SGCZ: variants seen among roughly 807,000 people sequenced by gnomAD.
SGCZ encodes the protein zeta-sarcoglycan.
In SGCZ, 40 loss-of-function variants were observed where a neutral mutation model predicts 41.3. That is an observed-to-expected ratio of 0.97 (90% CI 0.75 to 1.26). The LOEUF (loss-of-function observed/expected upper bound fraction) is 1.26, where lower values mean the gene tolerates loss of function less well. Among genes scored for constraint, SGCZ ranks in the 50% most tolerant of loss-of-function variants. The pLI, the probability that SGCZ is intolerant of heterozygous loss-of-function variation, is 0.00. For synonymous variants in SGCZ, 206 were observed against 137.5 expected, an observed-to-expected ratio of 1.50 and a Z score of -3.49; for missense variants, 552 against 369.8, an observed-to-expected ratio of 1.49 and a Z score of -4.04.
chr8:14,411,912 T>G (rs1309845726), intron 2 of SGCZ, among the ~76,000 whole-genome samples: 2 of 152,084 alleles, frequency 1.3e-5, no homozygotes, highest in African/African-American at 4.8e-5. Context: ...TTACATGACC[T>G]CTGAAGAAAT....
chr8:14,824,325 A>G (rs1006955180), intron 1 of SGCZ, among the ~76,000 whole-genome samples: 1 of 152,148 alleles, frequency 6.6e-6, no homozygotes, highest in Non-Finnish European at 1.5e-5. Flanking sequence ...TCATTATACA[A>G]CATAGATTTG....
intron 3 of SGCZ, among the ~76,000 whole-genome samples, chr8:14,309,912 T>C (rs1183422414): frequency 1.3e-5 from 2 of 151,962 alleles, no homozygotes; most frequent in Non-Finnish European, 2.9e-5. Context: ...ACAGTACACA[T>C]CCCCAGAATC....
At chr8:14,223,408 T>C (rs2117127836) in intron 4 of SGCZ, among the ~76,000 whole-genome samples, 1 of 152,194 alleles carries the variant, frequency 6.6e-6, no homozygotes, top group Admixed American at 6.5e-5. Context: ...AATAAAGACA[T>C]ATACTATAGA....
chr8:14,435,747 C>G (rs1333757884), intron 2 of SGCZ, among the ~76,000 whole-genome samples: 2 of 152,214 alleles, frequency 1.3e-5, no homozygotes, highest in Non-Finnish European at 2.9e-5. Context: ...TAATGAAATA[C>G]ACATATGACT....
intron 2 of SGCZ, among the ~76,000 whole-genome samples, chr8:14,547,423 AC>A (rs1803665116): frequency 1.3e-5 from 2 of 152,130 alleles, no homozygotes; most frequent in Admixed American, 6.6e-5. Flanking sequence ...GTTTATGTAA[AC>A]GCTTTTTATA....
chr8:14,892,235 C>G (rs1382012310), intron 1 of SGCZ, among the ~76,000 whole-genome samples: 1 of 152,134 alleles, frequency 6.6e-6, no homozygotes, highest in Non-Finnish European at 1.5e-5. Context: ...CGCCCTAGGC[C>G]TTCAGGTAAT....
chr8:14,494,523 A>G (rs1801934338), intron 2 of SGCZ, among the ~76,000 whole-genome samples: 1 of 152,168 alleles, frequency 6.6e-6, no homozygotes, highest in African/African-American at 2.4e-5. Flanking sequence ...ACATGCACAC[A>G]CACAAACACG....
intron 1 of SGCZ, among the ~76,000 whole-genome samples, chr8:14,891,907 T>C (rs1181764940): frequency 1.3e-5 from 2 of 152,196 alleles, no homozygotes; most frequent in Non-Finnish European, 2.9e-5. Flanking sequence ...TCATTAGCAA[T>C]AAAGTAATTT....
intron 2 of SGCZ, among the ~76,000 whole-genome samples, chr8:14,510,925 C>T (rs1399598298): frequency 1.3e-5 from 2 of 152,070 alleles, no homozygotes; most frequent in Non-Finnish European, 2.9e-5. Context: ...GGCCTTCTCC[C>T]AGTTTCTGAG....
intron 1 of SGCZ, among the ~76,000 whole-genome samples, chr8:14,624,555 A>ATTATTTTTTTT (rs1438250019): frequency 3.1e-5 from 3 of 96,248 alleles, no homozygotes; most frequent in African/African-American, 1.2e-4. Flanking sequence ...TATTATTATT[A>ATTATTTTTTTT]TTTTTTTTTT....
intron 1 of SGCZ, among the ~76,000 whole-genome samples, chr8:14,864,542 G>A (rs1258626383): frequency 3.3e-5 from 5 of 151,918 alleles, no homozygotes; most frequent in African/African-American, 9.7e-5. Context: ...CTTGTGTCCC[G>A]GTGACTTGTA....
chr8:14,582,376 A>G (rs1804919838), intron 1 of SGCZ, among the ~76,000 whole-genome samples: 1 of 152,110 alleles, frequency 6.6e-6, no homozygotes, highest in Non-Finnish European at 1.5e-5. Flanking sequence ...ATTATTACAA[A>G]TGAAGTGTGT....
intron 1 of SGCZ, among the ~76,000 whole-genome samples, chr8:14,863,651 G>C (rs954038416): frequency 2.0e-5 from 3 of 152,070 alleles, no homozygotes; most frequent in Non-Finnish European, 4.4e-5. Context: ...ATTTTGTTCT[G>C]TTTTCTGTTG....
chr8:14,456,987 A>G (rs148364184), intron 2 of SGCZ, among the ~76,000 whole-genome samples: 390 of 152,272 alleles, frequency 2.6e-3, no homozygotes, highest in African/African-American at 8.8e-3. Context: ...GCCTCCCAGA[A>G]GCAGATGCTT....
In SGCZ at chr8:14,883,103, C is replaced by G. The variant is rs144414374; in HGVS notation, c.40-328177G>C. Among the ~76,000 whole-genome samples, 44 of 151,988 alleles carry G rather than the reference C, an allele frequency of 2.9e-4. No homozygotes were observed. In the East Asian group the frequency reaches 6.8e-3, roughly 23 times the overall value. ...AAAATGAGGTAAATTTACATGGTCT[C>G]TTCTCCTGTTTTAGAGGTAAACTCT... On this transcript the variant is annotated intron_variant, in intron 1 of 7. Transcript: ENST00000382080.
intron 1 of SGCZ, among the ~76,000 whole-genome samples, chr8:15,143,336 C>G (rs1007337039): frequency 2.6e-5 from 4 of 152,194 alleles, no homozygotes; most frequent in African/African-American, 9.6e-5. Flanking sequence ...TGAAAAATAT[C>G]TATTGAAAGA....
chr8:14,581,030 G>C (rs901503570), intron 1 of SGCZ, among the ~76,000 whole-genome samples: 6 of 152,210 alleles, frequency 3.9e-5, no homozygotes, highest in African/African-American at 9.7e-5. Flanking sequence ...GGTATCCTGT[G>C]AGATACTTTC....
chr8:15,079,763 T>G lies in SGCZ; in HGVS notation c.39+157822A>C, dbSNP rs369419115. ...TTCCTTTTAAGATTCAGGGAGTCCATGTGCAGGCTGATTAAATAGGTATAT... is the reference window on the plus strand; with the variant it reads ...TTCCTTTTAAGATTCAGGGAGTCCAGGTGCAGGCTGATTAAATAGGTATAT... On this transcript the variant is annotated intron_variant, in intron 1 of 7. Coordinates refer to ENST00000382080, the MANE Select transcript of SGCZ (RefSeq NM_139167.4). 2.1e-4 allele frequency among the ~76,000 whole-genome samples: 32 copies of G among 152,324 alleles called. 1 individual carries two copies. Among genetic ancestry groups the G allele is most frequent in the African/African-American group, 7.5e-4 (31 of 41,568 alleles).
intron 3 of SGCZ, among the ~76,000 whole-genome samples, chr8:14,323,377 T>C (rs1354972524): frequency 6.6e-6 from 1 of 152,046 alleles, no homozygotes; most frequent in Non-Finnish European, 1.5e-5. Context: ...CAATTTCCAT[T>C]ACTTCTCTCT....
Sources: gnomAD v4.1 joint callset for allele counts (sites outside exome capture counted in the v4.1 genomes callset) on GRCh38, gnomAD v4.1.1 for gene constraint, MANE v1.5 for transcripts, NCBI Gene and HGNC (gene_info 2026-07-23, HGNC 2026-07-21) for gene names.